The following ZNF529 variants were observed in gnomAD, a reference collection of about 807,000 sequenced individuals.
The protein encoded by ZNF529 is zinc finger protein 529.
ZNF529 carries 11 observed loss-of-function variants against 10.1 expected under a neutral mutation model. That is an observed-to-expected ratio of 1.09 (90% CI 0.69 to 1.81). The LOEUF (loss-of-function observed/expected upper bound fraction) is 1.81, where lower values mean the gene tolerates loss of function less well. ZNF529 is among the 40% of genes most tolerant of loss of function. The pLI is 0.00. For synonymous variants in ZNF529, 204 were observed against 215.7 expected (o/e 0.95, Z 0.47); for missense variants, 624 against 666.8 (o/e 0.94, Z 0.71).
chr19:36,554,728 A>G lies in ZNF529; in HGVS notation c.177T>C (p.Ala59=), dbSNP rs774083026. 6.3e-7 allele frequency: 1 copy of G among 1,577,528 alleles called. No homozygotes were observed. The highest frequency in any genetic ancestry group is 1.4e-5 in the African/African-American group (1 of 73,878). The change falls in exon 4 of 5, where the codon GCT becomes GCC. Residue 59 remains alanine (A), a synonymous_variant. Coordinates refer to ENST00000591340, the MANE Select transcript of ZNF529 (RefSeq NM_020951.5). ...TCACATCCCAGTACAAGTTCCTCTG[A>G]GCAGAATCCAGATATTCCCATTCCT... ...SQEEWEYLDS[A]QRNLYWDVMM... is the part of the protein sequence containing the mutation.
intron 4 of ZNF529, among the ~76,000 whole-genome samples, chr19:36,551,257 C>T (rs2035246360): frequency 1.3e-5 from 2 of 152,128 alleles, no homozygotes; most frequent in South Asian, 4.1e-4. Context: ...GAAAAATGCA[C>T]TCATATCCAA....
chr19:36,568,890 C>T (rs186949968), intron 2 of ZNF529, among the ~76,000 whole-genome samples: 1 of 152,294 alleles, frequency 6.6e-6, no homozygotes, highest in African/African-American at 2.4e-5. Context: ...GAAATAAGTG[C>T]AGCAGCACTG....
At chr19:36,603,790 G>A (rs1275083767) in intron 1 of ZNF529, among the ~76,000 whole-genome samples, 2 of 152,146 alleles carry the variant, frequency 1.3e-5, no homozygotes, top group Non-Finnish European at 2.9e-5. Flanking sequence ...CAAAGCCTGG[G>A]ACTGAAATGT....
chr19:36,554,562 A>G (rs1454840529), intron 4 of ZNF529, 108 bp downstream of exon 4: 6 of 945,846 alleles, frequency 6.3e-6, no homozygotes, highest in Non-Finnish European at 7.1e-6. Flanking sequence ...TGGGTGACAG[A>G]GTGAGACTCC....
chr19:36,561,380 TTTC>T (rs1328666353), intron 2 of ZNF529, among the ~76,000 whole-genome samples: 1 of 150,860 alleles, frequency 6.6e-6, no homozygotes, highest in African/African-American at 2.5e-5. Flanking sequence ...TTCAAAGAGA[TTTC>T]TTTTTTTTTT....
chr19:36,552,159 A>G (rs927886037), intron 4 of ZNF529, among the ~76,000 whole-genome samples: 56 of 152,188 alleles, frequency 3.7e-4, no homozygotes, highest in African/African-American at 1.3e-3. Flanking sequence ...GGCTGGGTGC[A>G]GTGGCTTACA....
At chr19:36,567,852 C>T (rs758527177) in intron 2 of ZNF529, among the ~76,000 whole-genome samples, 1 of 152,108 alleles carries the variant, frequency 6.6e-6, no homozygotes, top group Non-Finnish European at 1.5e-5. Flanking sequence ...ATCAAAAAAT[C>T]ATTATAGAAG....
intron 1 of ZNF529, among the ~76,000 whole-genome samples, chr19:36,590,701 G>A (rs950057645): frequency 2.0e-5 from 3 of 152,056 alleles, no homozygotes; most frequent in Non-Finnish European, 4.4e-5. Flanking sequence ...AGGCCGAGGC[G>A]GGCAGATCAC....
intron 2 of ZNF529, 96 bp downstream of exon 2, chr19:36,572,237 G>C: frequency 7.7e-7 from 1 of 1,299,398 alleles, no homozygotes; most frequent in East Asian, 2.5e-5. Flanking sequence ...ATTTGGAAAG[G>C]CAATGGAGGA....
At position 36,548,073 on chromosome 19, in the gene ZNF529, CGAGGTAAAGTAAGAGATTCAT is replaced by C; in HGVS notation, c.464_484del (p.His155_Pro161del). On this transcript the variant is annotated inframe_deletion, in exon 5 of 5. Coordinates refer to ENST00000591340, the MANE Select transcript of ZNF529 (RefSeq NM_020951.5). ...GGGCTTCTCACTGTCATGAGTTCTCCGAGGTAAAGTAAGAGATTCATGAGTTTTGTAACTGGGCACATTTTC... is the reference window on the plus strand; with the variant it reads ...GGGCTTCTCACTGTCATGAGTTCTCCGAGTTTTGTAACTGGGCACATTTTC... The C allele has an allele frequency of 6.2e-7, 1 of 1,613,814 alleles. No individual in the cohort carries two copies. The highest frequency in any genetic ancestry group is 8.5e-7 in the Non-Finnish European group (1 of 1,179,850).
intron 1 of ZNF529, among the ~76,000 whole-genome samples, chr19:36,596,372 T>G (rs1390135905): frequency 6.6e-6 from 1 of 151,924 alleles, no homozygotes; most frequent in Admixed American, 6.6e-5. Flanking sequence ...GCACCCAGCC[T>G]TGGGTATAAA....
chr19:36,547,442 C>A lies in ZNF529; in HGVS notation c.1116G>T (p.Gly372=). The part of the protein sequence containing the change: ...GEKPYACKEC[G]KAFGVCRELA... ...GTTCTCTACATACTCCAAAAGCCTT[C>A]CCACATTCCTTACATGCATAAGGTT... Residue 372 remains glycine (G), a synonymous_variant, in exon 5 of 5, where the codon GGG becomes GGT. Transcript: ENST00000591340. The A allele has an allele frequency of 6.2e-7, 1 of 1,613,882 alleles. No homozygotes were observed. Among genetic ancestry groups the A allele is most frequent in the Non-Finnish European group, 8.5e-7 (1 of 1,179,826 alleles).
intron 2 of ZNF529, among the ~76,000 whole-genome samples, chr19:36,570,360 C>CAA (rs58429405): frequency 9.9e-5 from 7 of 70,546 alleles, no homozygotes; most frequent in East Asian, 3.8e-4. Flanking sequence ...GACCCTATCT[C>CAA]AAAAAAAAAA....
At chr19:36,576,457 G>A (rs1326079715), upstream of ZNF529, among the ~76,000 whole-genome samples, 4 of 151,926 alleles carry the variant, frequency 2.6e-5, no homozygotes, top group African/African-American at 9.7e-5. Context: ...GGTGGCTCAC[G>A]CCTGTAATCC....
chr19:36,598,976 A>G (rs2036883028), intron 1 of ZNF529, among the ~76,000 whole-genome samples: 1 of 152,214 alleles, frequency 6.6e-6, no homozygotes, highest in Admixed American at 6.5e-5. Context: ...AGATTTTTTC[A>G]AAAAGAAAAG....
intron 2 of ZNF529, among the ~76,000 whole-genome samples, chr19:36,560,648 A>G (rs553349934): frequency 6.6e-6 from 1 of 152,342 alleles, no homozygotes; most frequent in South Asian, 2.1e-4. Context: ...GTTGAGTTTG[A>G]AACATCTGTA....
intron 1 of ZNF529, among the ~76,000 whole-genome samples, chr19:36,603,362 AAGG>A (rs1473293375): frequency 6.6e-6 from 1 of 152,218 alleles, no homozygotes; most frequent in Non-Finnish European, 1.5e-5. Flanking sequence ...TACTGGAAAG[AAGG>A]AGATCTGTCT....
intron 1 of ZNF529, among the ~76,000 whole-genome samples, chr19:36,591,888 G>A (rs140345775): frequency 6.6e-6 from 1 of 152,030 alleles, no homozygotes; most frequent in African/African-American, 2.4e-5. Context: ...ATTTTTTGAG[G>A]CCAGTACTAC....
rs189034696 is a variant in ZNF529 at position 36,605,246 on chromosome 19, C to T, written c.-248G>A. On this transcript the variant is annotated 5_prime_UTR_variant, in exon 1 of 5. Transcript: ENST00000585960. ...GGAGGGGAGCGCCGGCAGCTAGCACCGCGCGGCGACTAACGGGCCGCCCCG... is the reference window on the plus strand; with the variant it reads ...GGAGGGGAGCGCCGGCAGCTAGCACTGCGCGGCGACTAACGGGCCGCCCCG... The T allele has an allele frequency of 5.9e-3, 894 of 152,324 alleles. 5 individuals are homozygous for T. Among genetic ancestry groups the T allele is most frequent in the Non-Finnish European group, 0.01 (702 of 68,050 alleles). 9.4% of individuals were successfully genotyped at this position (152,324 alleles called of 1,614,324 possible).
Sources: allele counts gnomAD v4.1 joint callset (sites outside exome capture counted in the v4.1 genomes callset), GRCh38; gene constraint gnomAD v4.1.1; transcripts MANE v1.5; gene names NCBI Gene and HGNC (gene_info 2026-07-23, HGNC 2026-07-21).